Variants in EDNRA observed in about 807,000 individuals in gnomAD.
EDNRA encodes endothelin receptor type A.
In EDNRA, 11 loss-of-function variants were observed where a neutral mutation model predicts 41.4. That is an observed-to-expected ratio of 0.27 (90% CI 0.17 to 0.44). The LOEUF is 0.44. Among genes scored for constraint, EDNRA ranks in the 20% least tolerant of loss-of-function variants. The pLI is 1.00. For missense variants in EDNRA, 294 were observed against 531.0 expected (o/e 0.55, Z 4.39); for synonymous variants, 172 against 183.0 (o/e 0.94, Z 0.49).
At chr4:147,541,945 G>A (rs1731117341) in intron 7 of EDNRA, among the ~76,000 whole-genome samples, 1 of 152,118 alleles carries the variant, frequency 6.6e-6, no homozygotes, top group South Asian at 2.1e-4. Context: ...TTCCTAAAAA[G>A]GCAGTATATC....
At chr4:147,509,047 T>G (rs1729830157) in intron 2 of EDNRA, among the ~76,000 whole-genome samples, 1 of 152,256 alleles carries the variant, frequency 6.6e-6, no homozygotes, top group Admixed American at 6.5e-5. Flanking sequence ...CTTAATAATA[T>G]CAATTCTTCT....
Sources: allele counts gnomAD v4.1 joint callset (sites outside exome capture counted in the v4.1 genomes callset), GRCh38; gene constraint gnomAD v4.1.1; transcripts MANE v1.5; gene names NCBI Gene and HGNC (gene_info 2026-07-23, HGNC 2026-07-21).